BBX: variants seen among roughly 807,000 people sequenced by gnomAD.
The protein encoded by BBX is HMG box transcription factor BBX.
In BBX, 30 loss-of-function variants were observed where a neutral mutation model predicts 100.2. The observed-to-expected ratio is 0.30, with a 90% CI of 0.22 to 0.41. The LOEUF is 0.41. Ranked by LOEUF, BBX falls within the 10% of genes least tolerant of loss-of-function variation. BBX has a pLI of 1.00. For synonymous variants in BBX, 376 were observed against 388.1 expected (o/e 0.97, Z 0.37); for missense variants, 1,023 against 1,129.8 (o/e 0.91, Z 1.35).
At position 107,597,987 on chromosome 3, in the gene BBX, C is replaced by A. The variant is rs2053782633; in HGVS notation, c.-83-47849C>A. The stretch of plus-strand genomic sequence containing the variant: ...GAAAGGGAAGGTAAGATAGGGTAAT[C>A]TACTCCCCTGGAGCACTCTCAGACA... On this transcript the variant is annotated intron_variant, in intron 2 of 17. Coordinates refer to ENST00000325805, the MANE Select transcript of BBX (RefSeq NM_001142568.3). Among the ~76,000 whole-genome samples, 2 of 152,042 alleles carry A rather than the reference C, an allele frequency of 1.3e-5. 1 individual carries two copies. The highest frequency in any genetic ancestry group is 4.1e-4 in the South Asian group (2 of 4,820).
intron 2 of BBX, among the ~76,000 whole-genome samples, chr3:107,552,365 AAAAAAAAAG>A (rs1052925194): frequency 5.2e-5 from 6 of 115,730 alleles, no homozygotes; most frequent in East Asian, 2.3e-4. Flanking sequence ...AAAAAAAAAA[AAAAAAAAAG>A]GGATTGCTCT....
chr3:107,674,730 T>G (rs1050305532), intron 3 of BBX: 1 of 152,632 alleles, frequency 6.6e-6, no homozygotes, highest in African/African-American at 2.4e-5. Flanking sequence ...TCAAAAGCAA[T>G]TCACATGTGA....
intron 17 of BBX, 72 bp downstream of exon 17, chr3:107,801,353 T>C (rs903042705): frequency 1.3e-6 from 2 of 1,515,310 alleles, no homozygotes; most frequent in Non-Finnish European, 1.8e-6. Flanking sequence ...ATTTGTGACA[T>C]TTTTTACAGG....
At chr3:107,787,942 G>A (rs941088424) in intron 13 of BBX, among the ~76,000 whole-genome samples, 3 of 152,188 alleles carry the variant, frequency 2.0e-5, no homozygotes, top group African/African-American at 7.2e-5. Flanking sequence ...TGCAGCTAGA[G>A]AGACTCAAAG....
At chr3:107,551,773 A>G (rs188181309) in intron 2 of BBX, among the ~76,000 whole-genome samples, 1 of 152,342 alleles carries the variant, frequency 6.6e-6, no homozygotes, top group Admixed American at 6.5e-5. Flanking sequence ...TTCTGGGAGT[A>G]ATTCCCTGTG....
chr3:107,781,574 A>G (rs561695601), intron 13 of BBX, among the ~76,000 whole-genome samples: 5 of 152,266 alleles, frequency 3.3e-5, no homozygotes, highest in Admixed American at 3.3e-4. Flanking sequence ...ACTTCCTAAG[A>G]GATTTGTTTT....
intron 2 of BBX, among the ~76,000 whole-genome samples, chr3:107,545,371 A>T (rs77929118): frequency 6.6e-6 from 1 of 152,234 alleles, no homozygotes; most frequent in African/African-American, 2.4e-5. Context: ...TGATGAGGAA[A>T]GTGGGCTCTG....
Position 107,755,588 on chromosome 3 carries a change from T to A in BBX, c.826-10T>A. 1 of 1,611,278 alleles carries A rather than the reference T, an allele frequency of 6.2e-7. No individual in the cohort carries two copies. The highest frequency in any genetic ancestry group is 8.5e-7 in the Non-Finnish European group (1 of 1,177,492). ...ACTAATATTCCCTATTTGGATTGTC[T>A]TTAATATAGATTTCTTCAAACACTT... On this transcript the variant is annotated splice_polypyrimidine_tract_variant and intron_variant, in intron 9 of 17. Coordinates refer to ENST00000325805, the MANE Select transcript of BBX (RefSeq NM_001142568.3).
At chr3:107,643,545 C>A (rs35804300) in intron 2 of BBX, among the ~76,000 whole-genome samples, 31,135 of 151,890 alleles carry the variant, frequency 0.2, 3,397 homozygotes, top group African/African-American at 0.27. Context: ...TGAAAGTAAG[C>A]CAAAGTGGGA....
At chr3:107,800,396 T>C (rs1028847116) in intron 16 of BBX, among the ~76,000 whole-genome samples, 1 of 152,230 alleles carries the variant, frequency 6.6e-6, no homozygotes, top group African/African-American at 2.4e-5. Context: ...ATAGATAATA[T>C]TTAAAGCTTT....
At chr3:107,763,629 A>G (rs1266266652) in intron 10 of BBX, among the ~76,000 whole-genome samples, 1 of 152,150 alleles carries the variant, frequency 6.6e-6, no homozygotes, top group East Asian at 1.9e-4. Context: ...TAATCCCTTT[A>G]CTACACATTT....
chr3:107,773,237 A>G lies in BBX; in HGVS notation c.1516A>G (p.Thr506Ala). The change falls in exon 11 of 18, where the codon ACC (threonine) becomes GCC (alanine). Residue 506 changes from threonine to alanine, a missense_variant. Coordinates refer to ENST00000325805, the MANE Select transcript of BBX (RefSeq NM_001142568.3). This position sits in a 1 kb window ranked among gnomAD's most constrained non-coding sequence, Gnocchi z 4.1. ...GDWGIEKLGD[T>A]PRKKVRTSSS... ...CTGGGGCATAGAGAAACTTGGAGAT[A>G]CCCCTCGCAAGAAGGTCCGCACATC... 1 of 1,614,052 alleles carries G rather than the reference A, an allele frequency of 6.2e-7. No individual in the cohort carries two copies. The highest frequency in any genetic ancestry group is 8.5e-7 in the Non-Finnish European group (1 of 1,180,000).
intron 7 of BBX, among the ~76,000 whole-genome samples, chr3:107,737,895 T>TTTTTTG (rs2063760367): frequency 8.9e-6 from 1 of 112,530 alleles, no homozygotes; most frequent in Non-Finnish European, 2.2e-5. Context: ...TTTTTTTTTT[T>TTTTTTG]TTTTTTTTTT....
intron 2 of BBX, among the ~76,000 whole-genome samples, chr3:107,569,571 G>GA (rs369525868): frequency 4.6e-5 from 7 of 152,104 alleles, no homozygotes; most frequent in African/African-American, 1.7e-4. Context: ...TATAGCCTAG[G>GA]AATAGTCAGG....
At position 107,526,338 on chromosome 3, in the gene BBX, A is replaced by G. The variant is rs991583099; in HGVS notation, c.-144A>G. On this transcript the variant is annotated 5_prime_UTR_variant, in exon 2 of 18. It adds an upstream start codon to the 5' untranslated region. Coordinates refer to ENST00000325805, the MANE Select transcript of BBX (RefSeq NM_001142568.3). ...TTGATACTTTATAGGTCACTATCAT[A>G]TGACAAAGGCTTTGCCGCAGTTCAT... 2.4e-4 allele frequency: 94 copies of G among 398,664 alleles called. No individual in the cohort carries two copies. The highest frequency in any genetic ancestry group is 1.7e-3 in the African/African-American group (82 of 48,764). The allele number at this position is 398,664 out of a possible 1,614,324, so 24.7% of individuals were successfully genotyped here.
intron 5 of BBX, among the ~76,000 whole-genome samples, chr3:107,725,988 TCTC>T (rs2062900614): frequency 6.6e-6 from 1 of 151,980 alleles, no homozygotes; most frequent in Non-Finnish European, 1.5e-5. Context: ...TAAGTGAGCT[TCTC>T]CTCCCACCAT....
intron 2 of BBX, among the ~76,000 whole-genome samples, chr3:107,600,005 G>A (rs2053953887): frequency 1.3e-5 from 2 of 152,198 alleles, no homozygotes; most frequent in Admixed American, 1.3e-4. Flanking sequence ...AAAAGGAAAT[G>A]GGTGATGATT....
intron 3 of BBX, among the ~76,000 whole-genome samples, chr3:107,648,465 C>G (rs2057655255): frequency 6.6e-6 from 1 of 152,058 alleles, no homozygotes; most frequent in South Asian, 2.1e-4. Context: ...TAATAGGTTA[C>G]AGAACTTTGA....
intron 3 of BBX, among the ~76,000 whole-genome samples, chr3:107,687,494 G>T (rs1241306240): frequency 6.6e-6 from 1 of 152,158 alleles, no homozygotes; most frequent in Non-Finnish European, 1.5e-5. Flanking sequence ...TGGAGATAAG[G>T]AGGTAAAATC....
Sources: gnomAD v4.1 joint callset for allele counts (sites outside exome capture counted in the v4.1 genomes callset) on GRCh38, gnomAD v4.1.1 for gene constraint, Gnocchi (gnomAD v3.1) non-coding constraint, MANE v1.5 for transcripts, NCBI Gene and HGNC (gene_info 2026-07-23, HGNC 2026-07-21) for gene names.